MED13L: variants seen among roughly 807,000 people sequenced by gnomAD.
MED13L encodes the protein mediator complex subunit 13L.
MED13L carries 7 observed loss-of-function variants against 220.9 expected under a neutral mutation model. The ratio of observed to expected loss-of-function variants is 0.03; its 90% CI spans 0.02 to 0.06. The LOEUF is 0.06. Ranked by LOEUF, MED13L falls within the 10% of genes least tolerant of loss-of-function variation. The probability of loss-of-function intolerance (pLI) is 1.00; values close to 1 mark genes in which losing one functional copy is unlikely to be tolerated. For missense variants in MED13L, 1,965 were observed against 2,760.5 expected, an observed-to-expected ratio of 0.71 and a Z score of 6.46; for synonymous variants, 1,011 against 1,015.2, an observed-to-expected ratio of 1.00 and a Z score of 0.08.
intron 2 of MED13L, among the ~76,000 whole-genome samples, chr12:116,167,883 G>C (rs1404273129): frequency 6.6e-6 from 1 of 151,914 alleles, no homozygotes; most frequent in African/African-American, 2.4e-5. Flanking sequence ...AAATCTATAT[G>C]AATCAACAAA....
At chr12:116,225,556 A>G (rs1418345380) in intron 2 of MED13L, among the ~76,000 whole-genome samples, 2 of 152,258 alleles carry the variant, frequency 1.3e-5, no homozygotes, top group African/African-American at 4.8e-5. Context: ...TTCGTTATAA[A>G]TATCTACTAG....
intron 4 of MED13L, among the ~76,000 whole-genome samples, chr12:116,064,450 G>A (rs1158339146): frequency 3.3e-5 from 5 of 152,180 alleles, no homozygotes; most frequent in Non-Finnish European, 7.3e-5. Context: ...TGGAGGGCCA[G>A]CTGTACTTAT....
chr12:116,104,849 G>C (rs1246221600), intron 3 of MED13L, among the ~76,000 whole-genome samples: 1 of 152,178 alleles, frequency 6.6e-6, no homozygotes, highest in Non-Finnish European at 1.5e-5. Flanking sequence ...CACTGTGTCA[G>C]ACCTTTCAAG....
intron 1 of MED13L, among the ~76,000 whole-genome samples, chr12:116,273,850 T>C (rs1023334566): frequency 1.3e-5 from 2 of 152,156 alleles, no homozygotes; most frequent in South Asian, 4.1e-4. Flanking sequence ...TAGAGAAAAA[T>C]AAATGTCTAC....
chr12:116,274,461 A>C (rs1048095317), intron 1 of MED13L, among the ~76,000 whole-genome samples: 2 of 151,736 alleles, frequency 1.3e-5, no homozygotes, highest in Admixed American at 1.3e-4. Flanking sequence ...AAAGAAAAAA[A>C]TGCATGCTAT....
intron 7 of MED13L, among the ~76,000 whole-genome samples, chr12:116,016,738 A>G (rs1879747988): frequency 6.6e-6 from 1 of 152,238 alleles, no homozygotes; most frequent in Admixed American, 6.5e-5. Flanking sequence ...AGATGGAATT[A>G]AACAAGACTT....
chr12:115,986,149 G>A, intron 19 of MED13L, 117 bp downstream of exon 19: 2 of 1,103,378 alleles, frequency 1.8e-6, no homozygotes, highest in Non-Finnish European at 2.7e-6. Context: ...TCATCCACCT[G>A]TTTGCAAATT....
In MED13L at chr12:115,960,776, T is replaced by C. The variant is rs1875706999; in HGVS notation, c.*490A>G. ...AACACTAGGGAGACAGAAACCCCAG[T>C]ATGAAACCATGTACTTGAGCTGGTT... On this transcript the variant is annotated 3_prime_UTR_variant, in exon 31 of 31. Coordinates refer to ENST00000281928, the MANE Select transcript of MED13L (RefSeq NM_015335.5). The C allele has an allele frequency of 4.8e-6, 1 of 209,222 alleles. No homozygotes were observed. The highest frequency in any genetic ancestry group is 9.2e-5 in the South Asian group (1 of 10,926). The allele number at this position is 209,222 out of a possible 1,614,324, so 13.0% of individuals were successfully genotyped here.
intron 29 of MED13L, among the ~76,000 whole-genome samples, chr12:115,965,745 G>A (rs914907706): frequency 3.4e-4 from 51 of 152,218 alleles, no homozygotes; most frequent in African/African-American, 1.0e-3. Flanking sequence ...TTATACCTTC[G>A]ACACAGGCTT....
intron 2 of MED13L, among the ~76,000 whole-genome samples, chr12:116,226,899 T>A: frequency 1.3e-5 from 2 of 149,518 alleles, no homozygotes; most frequent in Non-Finnish European, 1.5e-5. Context: ...CACAGATGCC[T>A]ACACTATCTG....
intron 10 of MED13L, 28 bp from the exon 11 acceptor site, chr12:116,007,664 A>AG (rs756430735): frequency 1.3e-6 from 2 of 1,528,610 alleles, no homozygotes; most frequent in Non-Finnish European, 1.8e-6. Context: ...AAAAAAAAAA[A>AG]AGAGCATTTA....
At chr12:116,137,642 G>C (rs1177333368) in intron 2 of MED13L, among the ~76,000 whole-genome samples, 2 of 151,932 alleles carry the variant, frequency 1.3e-5, no homozygotes, top group African/African-American at 4.8e-5. Flanking sequence ...AACAGGCTTT[G>C]GAATCTATTA....
At chr12:116,111,053 A>C (rs904693895) in intron 3 of MED13L, among the ~76,000 whole-genome samples, 1 of 152,172 alleles carries the variant, frequency 6.6e-6, no homozygotes, top group Non-Finnish European at 1.5e-5. Flanking sequence ...GCATTTTATC[A>C]ATGTTACATT....
At chr12:116,246,373 C>T (rs1871098716) in intron 1 of MED13L, among the ~76,000 whole-genome samples, 1 of 151,898 alleles carries the variant, frequency 6.6e-6, no homozygotes, top group Admixed American at 6.6e-5. Flanking sequence ...AACTATACAC[C>T]AGCGCAGAGG....
intron 4 of MED13L, among the ~76,000 whole-genome samples, chr12:116,027,764 T>A (rs539589014): frequency 1.3e-5 from 2 of 152,126 alleles, no homozygotes; most frequent in Non-Finnish European, 2.9e-5. Flanking sequence ...AATATCTTTA[T>A]CCAAAGCAAT....
chr12:116,150,076 T>G (rs1471543409), intron 2 of MED13L, among the ~76,000 whole-genome samples: 2 of 152,218 alleles, frequency 1.3e-5, no homozygotes, highest in Non-Finnish European at 2.9e-5. Context: ...AATGCACACA[T>G]GGACAGATTT....
chr12:116,031,565 C>G (rs1043493725), intron 4 of MED13L, among the ~76,000 whole-genome samples: 2 of 120,504 alleles, frequency 1.7e-5, no homozygotes, highest in Non-Finnish European at 3.2e-5. Flanking sequence ...GCACTCCAGC[C>G]TGGGCAACAG....
chr12:116,020,799 G>A (rs930709207), intron 5 of MED13L, among the ~76,000 whole-genome samples: 7 of 151,990 alleles, frequency 4.6e-5, no homozygotes, highest in African/African-American at 1.2e-4. Flanking sequence ...CAAATAATAC[G>A]TTTCTGAAGA....
intron 3 of MED13L, among the ~76,000 whole-genome samples, chr12:116,100,456 C>T (rs966220550): frequency 6.6e-5 from 10 of 151,684 alleles, no homozygotes; most frequent in South Asian, 2.1e-4. Flanking sequence ...AAAATTTACC[C>T]GGGTGTTGTG....
Sources: allele counts gnomAD v4.1 joint callset (sites outside exome capture counted in the v4.1 genomes callset), GRCh38; gene constraint gnomAD v4.1.1; transcripts MANE v1.5; gene names NCBI Gene and HGNC (gene_info 2026-07-23, HGNC 2026-07-21).